The following CHST9 variants were observed in gnomAD, a reference collection of about 807,000 sequenced individuals.
CHST9 encodes the protein carbohydrate sulfotransferase 9.
A neutral mutation model predicts 44.4 loss-of-function variants in CHST9; 41 were observed. That is an observed-to-expected ratio of 0.92 (90% confidence interval 0.72 to 1.20). The LOEUF (loss-of-function observed/expected upper bound fraction) is 1.20, where lower values mean the gene tolerates loss of function less well. Among genes scored for constraint, CHST9 ranks in the 50% most tolerant of loss-of-function variants. The probability of loss-of-function intolerance (pLI) is 0.00; values close to 1 mark genes in which losing one functional copy is unlikely to be tolerated. For missense variants in CHST9, 504 were observed against 516.5 expected, an observed-to-expected ratio of 0.98 and a Z score of 0.23; for synonymous variants, 171 against 178.4, an observed-to-expected ratio of 0.96 and a Z score of 0.33.
chr18:26,995,103 G>A (rs1198784609), intron 4 of CHST9, among the ~76,000 whole-genome samples: 1 of 151,604 alleles, frequency 6.6e-6, no homozygotes, highest in African/African-American at 2.4e-5. Context: ...CCTGCCAACA[G>A]CCACATGAAT....
intron 1 of CHST9, among the ~76,000 whole-genome samples, chr18:27,179,923 A>G (rs959040844): frequency 4.6e-5 from 7 of 152,160 alleles, no homozygotes; most frequent in African/African-American, 1.7e-4. Flanking sequence ...CTCTTGAAAT[A>G]GAATTAACAT....
intron 3 of CHST9, among the ~76,000 whole-genome samples, chr18:27,038,096 A>T (rs1380938596): frequency 6.6e-6 from 1 of 152,220 alleles, no homozygotes; most frequent in Non-Finnish European, 1.5e-5. Flanking sequence ...ATATTTAAAA[A>T]ATTGATTATC....
intron 1 of CHST9, among the ~76,000 whole-genome samples, chr18:27,143,594 A>C (rs2058586565): frequency 7.4e-6 from 1 of 135,624 alleles, no homozygotes; most frequent in African/African-American, 2.5e-5. Context: ...TTAACCTTTT[A>C]TTTTTTTTAA....
intron 4 of CHST9, among the ~76,000 whole-genome samples, chr18:26,955,739 T>A (rs1405558762): frequency 6.6e-6 from 1 of 152,080 alleles, no homozygotes; most frequent in Non-Finnish European, 1.5e-5. Flanking sequence ...AAGGAACATA[T>A]CCATGCTTTG....
intron 2 of CHST9, among the ~76,000 whole-genome samples, chr18:27,077,066 AT>A (rs2057912087): frequency 6.6e-6 from 1 of 152,202 alleles, no homozygotes; most frequent in Admixed American, 6.5e-5. Flanking sequence ...AAAATTCTGA[AT>A]TTATAGCTTC....
intron 4 of CHST9, among the ~76,000 whole-genome samples, chr18:27,009,161 G>A (rs930955356): frequency 6.6e-6 from 1 of 152,090 alleles, no homozygotes; most frequent in African/African-American, 2.4e-5. Context: ...TTCAGTCATG[G>A]AATCTCAAGT....
At chr18:27,038,092 A>T (rs771684217) in intron 3 of CHST9, among the ~76,000 whole-genome samples, 3 of 152,200 alleles carry the variant, frequency 2.0e-5, no homozygotes, top group Admixed American at 6.5e-5. Flanking sequence ...GGTTATATTT[A>T]AAAAATTGAT....
chr18:27,045,045 A>G (rs2057483770), intron 3 of CHST9, among the ~76,000 whole-genome samples: 1 of 147,430 alleles, frequency 6.8e-6, no homozygotes, highest in Non-Finnish European at 1.5e-5. Context: ...TTTTGAGTTG[A>G]GAAAAAAAAA....
intron 4 of CHST9, among the ~76,000 whole-genome samples, chr18:26,963,986 A>G (rs2056432981): frequency 6.6e-6 from 1 of 152,210 alleles, no homozygotes; most frequent in Non-Finnish European, 1.5e-5. Flanking sequence ...TGATTATGTA[A>G]TCTAAATATT....
intron 2 of CHST9, among the ~76,000 whole-genome samples, chr18:27,070,132 G>T (rs1425619482): frequency 6.6e-6 from 1 of 152,170 alleles, no homozygotes; most frequent in Non-Finnish European, 1.5e-5. Flanking sequence ...AGATAATGGT[G>T]GTTGTCTTAT....
At chr18:27,036,472 A>C (rs981590314) in intron 3 of CHST9, among the ~76,000 whole-genome samples, 2 of 152,238 alleles carry the variant, frequency 1.3e-5, no homozygotes, top group African/African-American at 4.8e-5. Context: ...CTATAGAAGG[A>C]AATACAGAGG....
At chr18:27,011,839 T>C (rs913822802) in intron 4 of CHST9, among the ~76,000 whole-genome samples, 3 of 152,190 alleles carry the variant, frequency 2.0e-5, no homozygotes, top group African/African-American at 7.2e-5. Flanking sequence ...TTCAGGAGAG[T>C]TCCCACAAGG....
chr18:27,052,217 G>A (rs975029709), intron 2 of CHST9, among the ~76,000 whole-genome samples: 12 of 151,214 alleles, frequency 7.9e-5, no homozygotes, highest in African/African-American at 2.9e-4. Flanking sequence ...AGATTTCTTA[G>A]TTATATATAT....
At chr18:27,064,670 G>A (rs1209723468) in intron 2 of CHST9, among the ~76,000 whole-genome samples, 2 of 152,142 alleles carry the variant, frequency 1.3e-5, no homozygotes, top group Non-Finnish European at 2.9e-5. Flanking sequence ...GGTTCCTTCT[G>A]GTGAGCTGCT....
intron 4 of CHST9, among the ~76,000 whole-genome samples, chr18:26,976,553 G>A (rs1209066501): frequency 1.3e-5 from 2 of 152,126 alleles, no homozygotes; most frequent in African/African-American, 2.4e-5. Flanking sequence ...ATCCAGGAGG[G>A]AAGAAGTGAG....
chr18:26,929,961 G>A (rs1350925049), intron 5 of CHST9, among the ~76,000 whole-genome samples: 2 of 152,204 alleles, frequency 1.3e-5, no homozygotes, highest in African/African-American at 4.8e-5. Context: ...CCTGGGAGCA[G>A]CATTGCCATG....
chr18:27,057,161 CA>C (rs901082069), intron 2 of CHST9, among the ~76,000 whole-genome samples: 1 of 152,180 alleles, frequency 6.6e-6, no homozygotes, highest in African/African-American at 2.4e-5. Context: ...GAATCTTGAA[CA>C]AGTAACTTGG....
At chr18:27,178,609 T>C (rs73944539) in intron 1 of CHST9, among the ~76,000 whole-genome samples, 17 of 152,004 alleles carry the variant, frequency 1.1e-4, no homozygotes, top group African/African-American at 4.1e-4. Context: ...GTTGTATATA[T>C]GAGTAATCTT....
At chr18:26,920,734 T>C (rs1401698828) in intron 5 of CHST9, among the ~76,000 whole-genome samples, 3 of 152,368 alleles carry the variant, frequency 2.0e-5, no homozygotes, top group African/African-American at 4.8e-5. Context: ...GAATAAACAA[T>C]TGACCAATTC....
Sources: allele counts gnomAD v4.1 joint callset (sites outside exome capture counted in the v4.1 genomes callset), GRCh38; gene constraint gnomAD v4.1.1; transcripts MANE v1.5; gene names NCBI Gene and HGNC (gene_info 2026-07-23, HGNC 2026-07-21).